Variants in COL11A1 observed in about 807,000 individuals in gnomAD.
COL11A1 encodes the protein collagen alpha-1(XI) chain.
COL11A1 carries 74 observed loss-of-function variants against 265.2 expected under a neutral mutation model. The observed-to-expected ratio is 0.28, with a 90% CI of 0.23 to 0.34. COL11A1 has a LOEUF of 0.34. COL11A1 is among the 10% of genes least tolerant of loss of function. The pLI is 1.00. For synonymous variants in COL11A1, 816 were observed against 727.6 expected, an observed-to-expected ratio of 1.12 and a Z score of -1.96; for missense variants, 2,165 against 2,263.6, an observed-to-expected ratio of 0.96 and a Z score of 0.88.
rs1334494489 is a variant in COL11A1 at position 103,000,049 on chromosome 1, G to T, written c.2143-1686C>A. ...CTCTCTTCTTACCACCGGAAATGCA[G>T]TAAACTAGATTATACATTTTATCTG... On this transcript the variant is annotated intron_variant, in intron 24 of 66. Coordinates refer to ENST00000370096, the MANE Select transcript of COL11A1 (RefSeq NM_001854.4). 2.0e-5 allele frequency among the ~76,000 whole-genome samples: 3 copies of T among 151,890 alleles called. No individual in the cohort carries two copies. The East Asian group carries it at 5.8e-4, about 29-fold the overall frequency.
chr1:102,968,492 A>C (rs2101616513), intron 37 of COL11A1, among the ~76,000 whole-genome samples: 1 of 152,352 alleles, frequency 6.6e-6, no homozygotes, highest in South Asian at 2.1e-4. Context: ...TGTCAGAACA[A>C]ACATTTAATT....
In COL11A1 at chr1:102,923,340, G is replaced by A. The variant is rs753649097; in HGVS notation, c.3650C>T (p.Pro1217Leu). Residue 1217 changes from proline (P) to leucine (L), a missense_variant, in exon 47 of 67, where the codon CCC becomes CTC. Physicochemically the swap from Pro to Leu is moderately conservative, Grantham distance 98. Coordinates refer to ENST00000370096, the MANE Select transcript of COL11A1 (RefSeq NM_001854.4). Reference protein sequence around the residue: ...GEKGENGDVGPMGPPGPPGPR... With the variant: ...GEKGENGDVGLMGPPGPPGPR... The stretch of plus-strand genomic sequence containing the variant: ...ACACCAAAAATAAAAACTTACCATG[G>A]GACCAACATCCCCATTTTCACCTTT... The A allele has an allele frequency of 3.7e-6, 6 of 1,606,478 alleles. No individual in the cohort carries two copies. Among genetic ancestry groups the A allele is most frequent in the Middle Eastern group, 3.3e-4 (2 of 6,052 alleles).
intron 9 of COL11A1, among the ~76,000 whole-genome samples, chr1:103,019,153 A>G (rs562059617): frequency 6.6e-6 from 1 of 152,276 alleles, no homozygotes; most frequent in Non-Finnish European, 1.5e-5. Context: ...GTACAGACAA[A>G]ACAATCTACC....
chr1:102,888,719 T>G lies in COL11A1; in HGVS notation c.4554+4A>C. 6.2e-7 allele frequency: 1 copy of G among 1,613,966 alleles called. No homozygotes were observed. Among genetic ancestry groups the G allele is most frequent in the South Asian group, 1.1e-5 (1 of 91,084 alleles). On this transcript the variant is annotated splice_donor_region_variant and intron_variant, in intron 61 of 66. Transcript: ENST00000370096. ...ATTAAATTGTCAAAGGGAAAAGTACTTACAGTAGAGCCTTTGTTACCCTTT... is the reference window on the plus strand; with the variant it reads ...ATTAAATTGTCAAAGGGAAAAGTACGTACAGTAGAGCCTTTGTTACCCTTT...
At chr1:103,030,955 C>T in intron 5 of COL11A1, 161 bp downstream of exon 5, 1 of 882,842 alleles carries the variant, frequency 1.1e-6, no homozygotes, top group South Asian at 1.5e-5. Flanking sequence ...AAACAAGTAC[C>T]AAATATATTC....
intron 31 of COL11A1, among the ~76,000 whole-genome samples, chr1:102,982,455 G>C (rs1392371010): frequency 6.6e-6 from 1 of 152,168 alleles, no homozygotes; most frequent in East Asian, 1.9e-4. Flanking sequence ...TGAGGTCCTG[G>C]ATTATGCAGT....
At chr1:102,920,910 A>G (rs1478927509) in intron 48 of COL11A1, among the ~76,000 whole-genome samples, 1 of 152,174 alleles carries the variant, frequency 6.6e-6, no homozygotes, top group Non-Finnish European at 1.5e-5. Context: ...GGAAACATAG[A>G]CTTCTTCATT....
intron 3 of COL11A1, among the ~76,000 whole-genome samples, chr1:103,075,920 G>C (rs977948108): frequency 6.6e-6 from 1 of 151,984 alleles, no homozygotes; most frequent in Non-Finnish European, 1.5e-5. Flanking sequence ...TTTATATAAG[G>C]AGCTACTTAA....
At position 102,984,184 on chromosome 1, in the gene COL11A1, A is replaced by G. The variant is rs2101714784; in HGVS notation, c.2510T>C (p.Leu837Pro). 6.3e-7 allele frequency: 1 copy of G among 1,592,366 alleles called. No homozygotes were observed. The highest frequency in any genetic ancestry group is 8.6e-7 in the Non-Finnish European group (1 of 1,162,766). Reference sequence around the variant, plus strand: ...ATATCCTGGTAATCCTGGAACTCCAAGTTTTCCCTACAGTTAAAATATATA... The same window carrying G: ...ATATCCTGGTAATCCTGGAACTCCAGGTTTTCCCTACAGTTAAAATATATA... ...PSGQAGEKGK[L>P]GVPGLPGYPG... The change falls in exon 31 of 67, where the codon CTT (leucine) becomes CCT (proline). Residue 837 changes from leucine (L) to proline (P), a missense_variant. Physicochemically the swap from Leu to Pro is moderately conservative, Grantham distance 98. Transcript: ENST00000370096.
chr1:103,040,824 C>T (rs777604683), intron 4 of COL11A1, among the ~76,000 whole-genome samples: 75 of 151,460 alleles, frequency 5.0e-4, no homozygotes, highest in Non-Finnish European at 9.7e-4. Flanking sequence ...ATACATTTTA[C>T]ATAATATATT....
Position 102,970,229 on chromosome 1 carries a change from C to G in COL11A1, c.2852G>C (p.Arg951Pro). ...AACAAGGTCACTTACAGTCTCCCCACGTTGCCCAGGGTGTCCTGGCAGCCC... is the reference window on the plus strand; with the variant it reads ...AACAAGGTCACTTACAGTCTCCCCAGGTTGCCCAGGGTGTCCTGGCAGCCC... The part of the protein sequence containing the change: ...KDGLPGHPGQ[R>P]GETGFQGKTG... Residue 951 changes from arginine to proline, a missense_variant, in exon 37 of 67, where the codon CGT becomes CCT. Arg to Pro is a moderately radical substitution (Grantham distance 103). Coordinates refer to ENST00000370096, the MANE Select transcript of COL11A1 (RefSeq NM_001854.4). 1 of 1,612,266 alleles carries G rather than the reference C, an allele frequency of 6.2e-7. No individual in the cohort carries two copies. The highest frequency in any genetic ancestry group is 1.1e-5 in the South Asian group (1 of 90,852).
At chr1:102,963,413 A>G (rs1410466522) in intron 38 of COL11A1, among the ~76,000 whole-genome samples, 2 of 152,194 alleles carry the variant, frequency 1.3e-5, no homozygotes, top group East Asian at 3.8e-4. Flanking sequence ...GAACAATATC[A>G]GGTCATTTAC....
intron 56 of COL11A1, 128 bp downstream of exon 56, chr1:102,898,538 C>A: frequency 1.5e-6 from 1 of 674,824 alleles, no homozygotes; most frequent in Non-Finnish European, 2.6e-6. Flanking sequence ...ATTATATTTA[C>A]AGAATTCCCA....
rs1667651017 is a variant in COL11A1, at chr1:103,027,632, A to G, written c.781-1300T>C. Reference sequence around the variant, plus strand: ...TTTGCATTTTAACCATTCCCTTTTAATCTTCCAGCAAAAGAACTGTTGACC... The same window carrying G: ...TTTGCATTTTAACCATTCCCTTTTAGTCTTCCAGCAAAAGAACTGTTGACC... On this transcript the variant is annotated intron_variant, in intron 5 of 66. Coordinates refer to ENST00000370096, the MANE Select transcript of COL11A1 (RefSeq NM_001854.4). Among the ~76,000 whole-genome samples, 4 of 151,894 alleles carry G rather than the reference A, an allele frequency of 2.6e-5. No individual in the cohort carries two copies. The South Asian group carries it at 8.3e-4, about 32-fold the overall frequency.
intron 4 of COL11A1, among the ~76,000 whole-genome samples, chr1:103,062,284 T>C (rs1670736688): frequency 6.6e-6 from 1 of 151,974 alleles, no homozygotes; most frequent in African/African-American, 2.4e-5. Flanking sequence ...CTCTGCAACC[T>C]TTTTCAGAAT....
chr1:103,023,638 C>T (rs1218970142), intron 7 of COL11A1, among the ~76,000 whole-genome samples: 5 of 152,006 alleles, frequency 3.3e-5, no homozygotes, highest in Admixed American at 6.5e-5. Context: ...ATTACATGTG[C>T]GAGCCTCCAC....
chr1:102,995,850 C>G lies in COL11A1; in HGVS notation c.2340+14G>C. 1 of 1,595,152 alleles carries G rather than the reference C, an allele frequency of 6.3e-7. No individual in the cohort carries two copies. Among genetic ancestry groups the G allele is most frequent in the South Asian group, 1.1e-5 (1 of 90,634 alleles). On this transcript the variant is annotated intron_variant, in intron 28 of 66. Transcript: ENST00000370096. ...TACACAGAAATTAATACCATCTAAACAATTAAATTTTACCTTTTCACCTTT... is the reference window on the plus strand; with the variant it reads ...TACACAGAAATTAATACCATCTAAAGAATTAAATTTTACCTTTTCACCTTT...
intron 65 of COL11A1, among the ~76,000 whole-genome samples, chr1:102,881,150 C>T (rs1476618687): frequency 6.6e-6 from 1 of 151,946 alleles, no homozygotes; most frequent in African/African-American, 2.4e-5. Flanking sequence ...ACTTTAAACA[C>T]ATGTATATGA....
intron 41 of COL11A1, 45 bp from the exon 42 acceptor site, chr1:102,947,001 A>G (rs1270535691): frequency 6.9e-7 from 1 of 1,447,488 alleles, no homozygotes; most frequent in Non-Finnish European, 9.6e-7. Flanking sequence ...AGAAAGTAAT[A>G]CTGGCTTAAG....
Sources: allele counts gnomAD v4.1 joint callset (sites outside exome capture counted in the v4.1 genomes callset), GRCh38; gene constraint gnomAD v4.1.1; transcripts MANE v1.5; gene names NCBI Gene and HGNC (gene_info 2026-07-23, HGNC 2026-07-21).